Variants in AP4S1 observed in about 807,000 individuals in gnomAD.
AP4S1 encodes adaptor related protein complex 4 subunit sigma 1.
Under a neutral mutation model 19.8 loss-of-function variants are expected in AP4S1, and 23 were observed. The observed-to-expected ratio is 1.16, with a 90% CI of 0.84 to 1.65. AP4S1 has a LOEUF of 1.65. Among genes scored for constraint, AP4S1 ranks in the 40% most tolerant of loss-of-function variants. AP4S1 has a pLI of 0.00. For missense variants in AP4S1, 166 were observed against 172.8 expected, an observed-to-expected ratio of 0.96 and a Z score of 0.22; for synonymous variants, 46 against 54.1, an observed-to-expected ratio of 0.85 and a Z score of 0.66.
At chr14:31,084,796 T>G (rs1474478389) in intron 5 of AP4S1, 3 of 1,614,050 alleles carry the variant, frequency 1.9e-6, no homozygotes, top group East Asian at 4.5e-5. Flanking sequence ...TCCCAAAATA[T>G]GCTCAGCCCT....
At chr14:31,034,785 AT>A (rs552433156) in intron 1 of AP4S1, among the ~76,000 whole-genome samples, 110 of 139,570 alleles carry the variant, frequency 7.9e-4, no homozygotes, top group Admixed American at 7.3e-4. Context: ...GACCAGCTAA[AT>A]TTTTTTTTTT....
intron 5 of AP4S1, chr14:31,085,957 A>G (rs11486343): frequency 0.026 from 10,299 of 395,640 alleles, 1,014 homozygotes; most frequent in African/African-American, 0.21. Context: ...TGCTGTGTGC[A>G]CTCTCTGTGA....
At chr14:31,057,418 G>C (rs1886179440) in intron 1 of AP4S1, among the ~76,000 whole-genome samples, 2 of 152,000 alleles carry the variant, frequency 1.3e-5, no homozygotes, top group South Asian at 4.2e-4. Flanking sequence ...TGCCATCTTT[G>C]GATATGACAA....
intron 1 of AP4S1, among the ~76,000 whole-genome samples, chr14:31,060,005 T>A (rs74544398): frequency 6.3e-5 from 6 of 94,992 alleles, no homozygotes; most frequent in African/African-American, 2.3e-4. Context: ...TTATATGTAT[T>A]TATGTATATA....
At chr14:31,085,763 C>T (rs1049417593) in intron 5 of AP4S1, 5 of 942,888 alleles carry the variant, frequency 5.3e-6, no homozygotes, top group Non-Finnish European at 6.3e-6. Context: ...CAGAGCGAGA[C>T]CTTGTCTTTA....
intron 4 of AP4S1, among the ~76,000 whole-genome samples, chr14:31,075,947 G>T (rs1887333091): frequency 6.6e-6 from 1 of 152,086 alleles, no homozygotes; most frequent in East Asian, 1.9e-4. Flanking sequence ...CCATGTTGAG[G>T]CTGGTCTCAA....
rs1276392377 is a variant in AP4S1, at chr14:31,067,123, G to A, written c.138+789G>A. On this transcript the variant is annotated intron_variant, in intron 2 of 5. Coordinates refer to ENST00000542754, the MANE Select transcript of AP4S1 (RefSeq NM_001128126.3). ...CTACTGGGGAGGCCGAGGCAGGATT[G>A]TTTGAACATGGGAGGTGAAGGTTGC... is the stretch of plus-strand genomic sequence containing the variant. 2.0e-5 allele frequency among the ~76,000 whole-genome samples: 3 copies of A among 150,910 alleles called. No individual in the cohort carries two copies. In the East Asian group the frequency reaches 5.9e-4, roughly 30 times the overall value.
At chr14:31,049,428 A>AATATATATATATATATAT (rs1182207910) in intron 1 of AP4S1, among the ~76,000 whole-genome samples, 3 of 57,738 alleles carry the variant, frequency 5.2e-5, no homozygotes, top group African/African-American at 1.6e-4. Context: ...AAAAAAAAAA[A>AATATATATATATATATAT]ATATATATAT....
intron 4 of AP4S1, among the ~76,000 whole-genome samples, chr14:31,079,297 C>T (rs1365033302): frequency 6.6e-6 from 1 of 151,976 alleles, no homozygotes; most frequent in Non-Finnish European, 1.5e-5. Context: ...AAGAGGAAAG[C>T]GAATACATGT....
intron 1 of AP4S1, among the ~76,000 whole-genome samples, chr14:31,039,252 C>G (rs71417941): frequency 6.6e-6 from 1 of 151,890 alleles, no homozygotes; most frequent in Non-Finnish European, 1.5e-5. Flanking sequence ...GTAGCGTGCT[C>G]TCGGCTCACT....
chr14:31,068,879 TTG>T (rs1886861561), intron 2 of AP4S1, among the ~76,000 whole-genome samples: 1 of 152,092 alleles, frequency 6.6e-6, no homozygotes, highest in African/African-American at 2.4e-5. Context: ...TTCAAAAAGG[TTG>T]TGTTTCCTTG....
chr14:31,026,332 C>A, intron 1 of AP4S1: 2 of 839,554 alleles, frequency 2.4e-6, no homozygotes, highest in Non-Finnish European at 3.3e-6. Flanking sequence ...TGCCGTGGGT[C>A]AGAGCAGGGA....
At chr14:31,031,960 G>A (rs1884414921) in intron 1 of AP4S1, among the ~76,000 whole-genome samples, 1 of 152,086 alleles carries the variant, frequency 6.6e-6, no homozygotes, top group African/African-American at 2.4e-5. Context: ...AACTGGGCGT[G>A]GTGGCAGGTG....
intron 4 of AP4S1, among the ~76,000 whole-genome samples, chr14:31,073,450 A>C (rs1887166143): frequency 1.4e-5 from 2 of 145,392 alleles, no homozygotes; most frequent in South Asian, 2.2e-4. Flanking sequence ...AGATCCCGCC[A>C]CTGCACTCCA....
At chr14:31,082,895 C>CAAAA (rs769994048) in intron 5 of AP4S1, among the ~76,000 whole-genome samples, 1 of 96,272 alleles carries the variant, frequency 1.0e-5, no homozygotes, top group Non-Finnish European at 2.1e-5. Flanking sequence ...GACTCCGTCT[C>CAAAA]AAAAAAAAAA....
At chr14:31,036,634 G>A (rs1443959131) in intron 1 of AP4S1, among the ~76,000 whole-genome samples, 1 of 152,146 alleles carries the variant, frequency 6.6e-6, no homozygotes, top group African/African-American at 2.4e-5. Context: ...ATTCCACCAG[G>A]TGTTTCTGGG....
At chr14:31,073,201 C>A (rs940925665) in intron 4 of AP4S1, 3 of 469,884 alleles carry the variant, frequency 6.4e-6, no homozygotes, top group East Asian at 8.4e-5. Flanking sequence ...AAAAAAAAAA[C>A]CTCTTATAGC....
chr14:31,033,634 G>C (rs1884547146), intron 1 of AP4S1, among the ~76,000 whole-genome samples: 1 of 152,222 alleles, frequency 6.6e-6, no homozygotes, highest in Admixed American at 6.5e-5. Flanking sequence ...ATGTGTAACA[G>C]AAAGGAGGCA....
chr14:31,070,077 C>A (rs1886920313), intron 3 of AP4S1, 148 bp downstream of exon 3: 2 of 711,928 alleles, frequency 2.8e-6, no homozygotes, highest in Admixed American at 1.9e-5. Context: ...TCACTGCAAC[C>A]TCCACCTCCC....
Sources: allele counts gnomAD v4.1 joint callset (sites outside exome capture counted in the v4.1 genomes callset), GRCh38; gene constraint gnomAD v4.1.1; transcripts MANE v1.5; gene names NCBI Gene and HGNC (gene_info 2026-07-23, HGNC 2026-07-21).